The following CDH12 variants were observed in gnomAD, a reference collection of about 807,000 sequenced individuals.
CDH12 encodes the protein cadherin-12.
In CDH12, 41 loss-of-function variants were observed where a neutral mutation model predicts 74.1. That is an observed-to-expected ratio of 0.55 (90% CI 0.43 to 0.72). The LOEUF is 0.72. Ranked by LOEUF, CDH12 falls within the 30% of genes least tolerant of loss-of-function variation. The pLI, the probability that CDH12 is intolerant of heterozygous loss-of-function variation, is 0.00. For missense variants in CDH12, 945 were observed against 977.2 expected (o/e 0.97, Z 0.44); for synonymous variants, 399 against 355.0 (o/e 1.12, Z -1.39).
At chr5:22,687,439 A>C (rs1011369314) in intron 1 of CDH12, among the ~76,000 whole-genome samples, 10 of 152,090 alleles carry the variant, frequency 6.6e-5, no homozygotes, top group Admixed American at 5.2e-4. Context: ...ACAGGGTCTC[A>C]CTCTGTTGCC....
In CDH12 at chr5:21,857,824, C is replaced by A. The variant is rs550174887; in HGVS notation, c.527-3034G>T. 1.2e-4 allele frequency among the ~76,000 whole-genome samples: 18 copies of A among 151,888 alleles called. No individual in the cohort carries two copies. The East Asian group carries it at 2.5e-3, about 21-fold the overall frequency. On this transcript the variant is annotated intron_variant, in intron 6 of 14. Coordinates refer to ENST00000382254, the MANE Select transcript of CDH12 (RefSeq NM_004061.5). ...GCTGGGTGTCCTAAACAATAGAAATCTACGTTCTCACAATTTTGGACACAG... is the reference window on the plus strand; with the variant it reads ...GCTGGGTGTCCTAAACAATAGAAATATACGTTCTCACAATTTTGGACACAG...
chr5:22,182,637 T>C (rs967105283), intron 4 of CDH12, among the ~76,000 whole-genome samples: 4 of 152,104 alleles, frequency 2.6e-5, no homozygotes, highest in Admixed American at 2.0e-4. Flanking sequence ...TAGGGAAATA[T>C]TTTAGGAGGC....
chr5:22,360,411 A>G (rs1220999602), intron 3 of CDH12, among the ~76,000 whole-genome samples: 1 of 152,176 alleles, frequency 6.6e-6, no homozygotes, highest in African/African-American at 2.4e-5. Context: ...TAGACAAATA[A>G]CAGGCTCTGA....
chr5:22,215,724 C>A (rs1232690357), intron 3 of CDH12, among the ~76,000 whole-genome samples: 1 of 152,058 alleles, frequency 6.6e-6, no homozygotes, highest in Non-Finnish European at 1.5e-5. Flanking sequence ...TAGCAAAGCT[C>A]AAATGTACTA....
intron 4 of CDH12, among the ~76,000 whole-genome samples, chr5:22,179,148 G>C (rs1258774938): frequency 6.6e-6 from 1 of 152,030 alleles, no homozygotes; most frequent in Non-Finnish European, 1.5e-5. Context: ...GGAGACTCCT[G>C]GTAAACATAG....
chr5:22,420,853 C>T (rs1743618154), intron 2 of CDH12, among the ~76,000 whole-genome samples: 1 of 152,092 alleles, frequency 6.6e-6, no homozygotes, highest in South Asian at 2.1e-4. Flanking sequence ...TTGTTTGTGT[C>T]CTCTCTGATT....
At chr5:22,248,492 T>A (rs1753033761) in intron 3 of CDH12, among the ~76,000 whole-genome samples, 1 of 152,208 alleles carries the variant, frequency 6.6e-6, no homozygotes, top group South Asian at 2.1e-4. Flanking sequence ...TACTCCTTTC[T>A]TGTCTTACAC....
intron 6 of CDH12, among the ~76,000 whole-genome samples, chr5:21,861,616 A>G (rs1365841202): frequency 2.0e-5 from 3 of 152,068 alleles, no homozygotes; most frequent in Admixed American, 2.0e-4. Context: ...ATTTTTAACC[A>G]ATTTCCTTTC....
At chr5:22,227,141 A>G (rs1752220752) in intron 3 of CDH12, among the ~76,000 whole-genome samples, 1 of 152,150 alleles carries the variant, frequency 6.6e-6, no homozygotes, top group African/African-American at 2.4e-5. Flanking sequence ...TAATATAGAA[A>G]GACTTCCTAA....
At chr5:22,153,868 A>G (rs1328858156) in intron 4 of CDH12, among the ~76,000 whole-genome samples, 4,466 of 70,246 alleles carry the variant, frequency 0.064, 92 homozygotes, top group Admixed American at 0.07. Flanking sequence ...GTATATATAT[A>G]TATGTATATA....
At chr5:22,529,378 G>C (rs977410063) in intron 1 of CDH12, among the ~76,000 whole-genome samples, 1 of 151,812 alleles carries the variant, frequency 6.6e-6, no homozygotes, top group African/African-American at 2.4e-5. Context: ...GGAGAGAAAT[G>C]ATGCAGTCTC....
At chr5:22,104,876 C>A (rs1170723620) in intron 4 of CDH12, among the ~76,000 whole-genome samples, 1 of 152,076 alleles carries the variant, frequency 6.6e-6, no homozygotes, top group African/African-American at 2.4e-5. Context: ...ATAAACTGGG[C>A]GGCTTCAACA....
At chr5:22,832,077 T>C (rs1360241406) in intron 1 of CDH12, among the ~76,000 whole-genome samples, 1 of 152,134 alleles carries the variant, frequency 6.6e-6, no homozygotes, top group African/African-American at 2.4e-5. Context: ...CTGACTAGAA[T>C]AAAAATAAAA....
At chr5:22,681,162 G>A (rs944407799) in intron 1 of CDH12, among the ~76,000 whole-genome samples, 12 of 151,424 alleles carry the variant, frequency 7.9e-5, no homozygotes, top group African/African-American at 2.9e-4. Context: ...AGAATGCCAT[G>A]AAATTATACG....
intron 3 of CDH12, among the ~76,000 whole-genome samples, chr5:22,393,265 C>A (rs73058168): frequency 0.012 from 1,752 of 152,018 alleles, 27 homozygotes; most frequent in African/African-American, 0.04. Flanking sequence ...AAAAAGGAAA[C>A]GTTAGAGTGA....
intron 1 of CDH12, among the ~76,000 whole-genome samples, chr5:22,823,535 A>T (rs1253382756): frequency 6.6e-6 from 1 of 152,008 alleles, no homozygotes; most frequent in Non-Finnish European, 1.5e-5. Context: ...TCCTTTGTAA[A>T]TTGCCCAGTC....
intron 2 of CDH12, among the ~76,000 whole-genome samples, chr5:22,460,474 T>G (rs2126583155): frequency 6.6e-6 from 1 of 152,332 alleles, no homozygotes. Flanking sequence ...GGTGTAATAT[T>G]ATTTTCAGTC....
At chr5:21,840,859 A>T (rs1749802873) in intron 8 of CDH12, among the ~76,000 whole-genome samples, 1 of 152,258 alleles carries the variant, frequency 6.6e-6, no homozygotes, top group Non-Finnish European at 1.5e-5. Context: ...AACCAATTCA[A>T]GATGGATTAA....
intron 2 of CDH12, among the ~76,000 whole-genome samples, chr5:22,482,035 C>T (rs1746404681): frequency 6.6e-6 from 1 of 151,990 alleles, no homozygotes; most frequent in African/African-American, 2.4e-5. Context: ...TGACTGAAGG[C>T]AAAAGAAAGA....
Sources: gnomAD v4.1 joint callset for allele counts (sites outside exome capture counted in the v4.1 genomes callset) on GRCh38, gnomAD v4.1.1 for gene constraint, MANE v1.5 for transcripts, NCBI Gene and HGNC (gene_info 2026-07-23, HGNC 2026-07-21) for gene names.